Variants in TBXAS1 observed in about 807,000 individuals in gnomAD.
TBXAS1 encodes thromboxane-A synthase.
A neutral mutation model predicts 60.7 loss-of-function variants in TBXAS1; 48 were observed. That is an observed-to-expected ratio of 0.79 (90% CI 0.63 to 1.01). The LOEUF (loss-of-function observed/expected upper bound fraction) is 1.01, where lower values mean the gene tolerates loss of function less well. TBXAS1 is among the 50% of genes least tolerant of loss of function. The pLI is 0.00. For missense variants in TBXAS1, 685 were observed against 686.3 expected, an observed-to-expected ratio of 1.00 and a Z score of 0.02; for synonymous variants, 287 against 269.7, an observed-to-expected ratio of 1.06 and a Z score of -0.63.
In TBXAS1 at chr7:139,819,543, C is replaced by T. The variant is rs191926832; in HGVS notation, c.-79-9769C>T. ...TTTGAGATGCAGTCTCACTCTGTCG[C>T]CCAGGCTGGAGTGCAGTGGCACTAT... On this transcript the variant is annotated intron_variant, in intron 4 of 16. Transcript: ENST00000336425. Among the ~76,000 whole-genome samples, 3 of 152,324 alleles carry T rather than the reference C, an allele frequency of 2.0e-5. No individual in the cohort carries two copies. The East Asian group carries it at 5.8e-4, about 29-fold the overall frequency.
At chr7:139,955,015 T>C (rs1809727918) in intron 6 of TBXAS1, among the ~76,000 whole-genome samples, 1 of 152,210 alleles carries the variant, frequency 6.6e-6, no homozygotes, top group Non-Finnish European at 1.5e-5. Context: ...TTGATGTCTA[T>C]CAGTCAATCA....
Position 139,953,510 on chromosome 7 carries a change from G to A in TBXAS1, c.539+54G>A. 2.0e-6 allele frequency: 3 copies of A among 1,529,446 alleles called. No homozygotes were observed. In the South Asian group the frequency reaches 3.4e-5, roughly 17 times the overall value. The allele number at this position is 1,529,446 out of a possible 1,614,324, so 94.7% of individuals were successfully genotyped here. On this transcript the variant is annotated intron_variant, in intron 6 of 12. Transcript: ENST00000448866. ...TCGAGTTTTTGAATCACTGCTTCTT[G>A]TAACTGTCCATAATTGCTGACAATT...
At chr7:139,918,769 C>T (rs536731559) in intron 4 of TBXAS1, among the ~76,000 whole-genome samples, 2 of 152,262 alleles carry the variant, frequency 1.3e-5, no homozygotes, top group East Asian at 3.9e-4. Context: ...TTAGCCACCA[C>T]ATGCCCCTGA....
At chr7:139,882,799 G>C (rs188754684) in intron 3 of TBXAS1, among the ~76,000 whole-genome samples, 11 of 152,056 alleles carry the variant, frequency 7.2e-5, no homozygotes, top group Non-Finnish European at 1.5e-4. Flanking sequence ...GTGCATTGCC[G>C]TTCCCAATAA....
chr7:139,844,939 A>G (rs549901683), intron 1 of TBXAS1, among the ~76,000 whole-genome samples: 3 of 152,268 alleles, frequency 2.0e-5, no homozygotes, highest in African/African-American at 7.2e-5. Flanking sequence ...TTGGTGAGAG[A>G]GGGCTGGGAC....
chr7:139,952,881 G>T (rs964162362), intron 5 of TBXAS1, among the ~76,000 whole-genome samples: 1 of 152,194 alleles, frequency 6.6e-6, no homozygotes, highest in Non-Finnish European at 1.5e-5. Flanking sequence ...TAAATAAGAA[G>T]TTGAAATGGA....
chr7:139,977,824 G>T (rs1343322228), intron 9 of TBXAS1, among the ~76,000 whole-genome samples: 1 of 152,170 alleles, frequency 6.6e-6, no homozygotes, highest in Non-Finnish European at 1.5e-5. Flanking sequence ...CATTTATGGA[G>T]CGCCATAATT....
intron 10 of TBXAS1, among the ~76,000 whole-genome samples, chr7:140,011,898 C>T (rs1814648443): frequency 6.6e-6 from 1 of 152,044 alleles, no homozygotes; most frequent in African/African-American, 2.4e-5. Flanking sequence ...ACTAAATAAA[C>T]CCAGCCTCAC....
chr7:139,809,117 A>G (rs1480166537), intron 4 of TBXAS1, among the ~76,000 whole-genome samples: 1 of 152,120 alleles, frequency 6.6e-6, no homozygotes, highest in Non-Finnish European at 1.5e-5. Flanking sequence ...GTGTTGTATT[A>G]GAGTTCTCCA....
At position 139,896,423 on chromosome 7, in the gene TBXAS1, C is replaced by T. The variant is rs149352372; in HGVS notation, c.237-14802C>T. Among the ~76,000 whole-genome samples, 1 of 152,120 alleles carries T rather than the reference C, an allele frequency of 6.6e-6. No homozygotes were observed. The highest frequency in any genetic ancestry group is 1.5e-5 in the Non-Finnish European group (1 of 68,016). Reference sequence around the variant, plus strand: ...GGGGGAATACTGCACATCTGGGGAACCATAAATAACTTTTTCACAGCAAGA... The same window carrying T: ...GGGGGAATACTGCACATCTGGGGAATCATAAATAACTTTTTCACAGCAAGA... On this transcript the variant is annotated intron_variant, in intron 3 of 12. Transcript: ENST00000448866. This position sits in a 1 kb window ranked among gnomAD's most constrained non-coding sequence, Gnocchi z 4.0.
At chr7:139,789,075 T>G (rs1406667256) in intron 4 of TBXAS1, among the ~76,000 whole-genome samples, 1 of 152,214 alleles carries the variant, frequency 6.6e-6, no homozygotes, top group Non-Finnish European at 1.5e-5. Context: ...ACCAGTCTGG[T>G]AAATGGAGGT....
chr7:139,953,724 G>A (rs1215332918), intron 6 of TBXAS1, among the ~76,000 whole-genome samples: 2 of 152,340 alleles, frequency 1.3e-5, no homozygotes, highest in Non-Finnish European at 1.5e-5. Flanking sequence ...GGGCAGGACA[G>A]GCCTGCGCCT....
intron 3 of TBXAS1, among the ~76,000 whole-genome samples, chr7:139,905,087 C>A: frequency 6.9e-6 from 1 of 144,132 alleles, no homozygotes; most frequent in African/African-American, 2.7e-5. Context: ...TTCTCTTTCT[C>A]CCTCTCTCTC....
chr7:139,843,983 C>T (rs564642895), intron 1 of TBXAS1, among the ~76,000 whole-genome samples: 9 of 152,292 alleles, frequency 5.9e-5, no homozygotes, highest in Non-Finnish European at 1.2e-4. Context: ...ATGCAATCGT[C>T]GAATGCTGAA....
chr7:140,010,079 A>C (rs1309742493), intron 10 of TBXAS1, among the ~76,000 whole-genome samples: 30 of 66,288 alleles, frequency 4.5e-4, no homozygotes, highest in Admixed American at 7.8e-4. Context: ...CCACACCCAC[A>C]CCACACCCAC....
chr7:139,811,975 A>G (rs1798031515), intron 4 of TBXAS1, among the ~76,000 whole-genome samples: 1 of 152,230 alleles, frequency 6.6e-6, no homozygotes, highest in Non-Finnish European at 1.5e-5. Context: ...GGGAAGGATC[A>G]TAAATCCGGG....
At chr7:139,805,937 T>C (rs1260193570) in intron 4 of TBXAS1, among the ~76,000 whole-genome samples, 1 of 139,576 alleles carries the variant, frequency 7.2e-6, no homozygotes, top group Non-Finnish European at 1.5e-5. Context: ...TTTTTGCTTT[T>C]TTTTTTTTTT....
intron 3 of TBXAS1, among the ~76,000 whole-genome samples, chr7:139,898,853 A>C (rs1804333859): frequency 6.6e-6 from 1 of 152,154 alleles, no homozygotes. Context: ...AGTTTCAAGA[A>C]GGTTGATTTG....
intron 4 of TBXAS1, among the ~76,000 whole-genome samples, chr7:139,812,790 C>G (rs1798049963): frequency 1.3e-5 from 2 of 152,174 alleles, no homozygotes; most frequent in Non-Finnish European, 2.9e-5. Flanking sequence ...AGCACGGTGA[C>G]TCACGCCTGT....
Sources: gnomAD v4.1 joint callset for allele counts (sites outside exome capture counted in the v4.1 genomes callset) on GRCh38, gnomAD v4.1.1 for gene constraint, Gnocchi (gnomAD v3.1) non-coding constraint, MANE v1.5 for transcripts, NCBI Gene and HGNC (gene_info 2026-07-23, HGNC 2026-07-21) for gene names.